MICAL3: variants seen among roughly 807,000 people sequenced by gnomAD.
MICAL3 encodes the protein microtubule associated monooxygenase, calponin and LIM domain containing 3, also known as [F-actin]-monooxygenase MICAL3.
Under a neutral mutation model 207.4 loss-of-function variants are expected in MICAL3, and 62 were observed. That is an observed-to-expected ratio of 0.30 (90% confidence interval 0.24 to 0.37). The LOEUF (loss-of-function observed/expected upper bound fraction) is 0.37. Ranked by LOEUF, MICAL3 falls within the 10% of genes least tolerant of loss-of-function variation. The pLI is 1.00. For synonymous variants in MICAL3, 1,077 were observed against 1,069.3 expected, an observed-to-expected ratio of 1.01 and a Z score of -0.14; for missense variants, 2,368 against 2,635.6, an observed-to-expected ratio of 0.90 and a Z score of 2.22.
intron 1 of MICAL3, among the ~76,000 whole-genome samples, chr22:18,021,582 A>C (rs1924480220): frequency 6.6e-6 from 1 of 152,224 alleles, no homozygotes; most frequent in Non-Finnish European, 1.5e-5. Context: ...AAAAGCAAAG[A>C]CTAAAGGGAA....
rs181588240 is a variant in MICAL3 at position 17,938,345 on chromosome 22, C to T, written c.-74-31459G>A. Reference sequence around the variant, plus strand: ...CCATAGGGGGACCAGAGCAACCAACCGGGAGGGAAGTAGGTTTGAATTCAG... The same window carrying T: ...CCATAGGGGGACCAGAGCAACCAACTGGGAGGGAAGTAGGTTTGAATTCAG... On this transcript the variant is annotated intron_variant, in intron 1 of 31. Transcript: ENST00000441493. 2.7e-3 allele frequency among the ~76,000 whole-genome samples: 417 copies of T among 152,172 alleles called. 2 individuals are homozygous for T. Among genetic ancestry groups the T allele is most frequent in the South Asian group, 7.3e-3 (35 of 4,812 alleles).
At chr22:17,807,454 G>A (rs549282006) in intron 29 of MICAL3, among the ~76,000 whole-genome samples, 1 of 152,280 alleles carries the variant, frequency 6.6e-6, no homozygotes, top group South Asian at 2.1e-4. Flanking sequence ...TCAGCCTATC[G>A]GATGCTAAGT....
chr22:17,906,205 G>A (rs755412973), intron 2 of MICAL3, among the ~76,000 whole-genome samples: 1 of 152,174 alleles, frequency 6.6e-6, no homozygotes, highest in Non-Finnish European at 1.5e-5. Flanking sequence ...AACTTTGAAC[G>A]CTCAATATGT....
At chr22:17,964,468 C>T (rs961090600) in intron 1 of MICAL3, among the ~76,000 whole-genome samples, 2 of 152,210 alleles carry the variant, frequency 1.3e-5, no homozygotes, top group African/African-American at 2.4e-5. Context: ...TCACTATCTG[C>T]GCACACAGCA....
rs758528513 is a variant in MICAL3 at position 17,818,032 on chromosome 22, G to T, written c.4629C>A (p.Phe1543Leu). The T allele has an allele frequency of 4.3e-6, 7 of 1,612,700 alleles. No homozygotes were observed. In the Admixed American group the frequency reaches 8.3e-5, roughly 19 times the overall value. The change falls in exon 26 of 32, where the codon TTC becomes TTA. Residue 1543 changes from phenylalanine (F) to leucine (L), a missense_variant. Phe to Leu is a conservative substitution (Grantham distance 22, BLOSUM62 0). Transcript: ENST00000441493. ...KTEDSSLQEKFFTPPSCWPRP... is the reference protein window; with the variant it reads ...KTEDSSLQEKLFTPPSCWPRP... ...GCGGCCAGCAGGACGGGGGCGTGAA[G>T]AATTTCTCCTGCAGGCTTGAGTCCT...
rs1569109753 is a variant in MICAL3, at chr22:17,877,058, GGTTATGGAGGTTAGGGAA to G, written c.2242-5053_2242-5036del. On this transcript the variant is annotated intron_variant, in intron 16 of 31. Transcript: ENST00000441493. Reference sequence around the variant, plus strand: ...TTAGGGAGGTTATGGAGGTTAGGGAGGTTATGGAGGTTAGGGAAGTTATGGAGGTTATGGAGGTTAGGG... The same window carrying G: ...TTAGGGAGGTTATGGAGGTTAGGGAGGTTATGGAGGTTATGGAGGTTAGGG... Among the ~76,000 whole-genome samples the G allele has an allele frequency of 2.7e-3, 320 of 116,464 alleles. 3 individuals carry two copies. The highest frequency in any genetic ancestry group is 4.3e-3 in the Middle Eastern group (1 of 230). The allele number at this position is 116,464 out of a possible 152,430, so 76.4% of individuals were successfully genotyped here. A position where few individuals can be genotyped will look rare whatever the true frequency, so the allele number is the denominator to read the frequency against.
chr22:17,817,154 C>T (rs1921080509), intron 26 of MICAL3, among the ~76,000 whole-genome samples, 157 bp downstream of exon 26: 1 of 152,202 alleles, frequency 6.6e-6, no homozygotes, highest in Non-Finnish European at 1.5e-5. Context: ...TGGCTATGCC[C>T]TGTGAACCCA....
intron 21 of MICAL3, among the ~76,000 whole-genome samples, chr22:17,829,070 C>T (rs891023662): frequency 1.3e-5 from 2 of 151,912 alleles, no homozygotes; most frequent in Non-Finnish European, 2.9e-5. Flanking sequence ...CCCTGCAAGC[C>T]GTATGTGGAG....
chr22:17,832,561 C>T (rs765794880), intron 20 of MICAL3, among the ~76,000 whole-genome samples: 4 of 152,208 alleles, frequency 2.6e-5, no homozygotes, highest in Non-Finnish European at 4.4e-5. Flanking sequence ...CGCTGGTTTA[C>T]GTTTCATAGA....
chr22:17,848,543 A>T (rs980430323), intron 19 of MICAL3, among the ~76,000 whole-genome samples: 4 of 152,106 alleles, frequency 2.6e-5, no homozygotes, highest in Non-Finnish European at 5.9e-5. Context: ...ATACTGGTTC[A>T]CTCCTATCTT....
In MICAL3 at chr22:17,818,367, C is replaced by T. The variant is rs746151562; in HGVS notation, c.4294G>A (p.Gly1432Arg). 36 of 1,602,162 alleles carry T rather than the reference C, an allele frequency of 2.2e-5. No homozygotes were observed. Among genetic ancestry groups the T allele is most frequent in the South Asian group, 9.9e-5 (9 of 90,700 alleles). ...LSSSSGLGLH[G>R]SSSNMKTLGS... ...AGTGTCTTCATGTTGGAGGAGCTCC[C>T]GTGCAGGCCCAGGCCAGAGCTGCTG... The change falls in exon 26 of 32, where the codon GGG becomes AGG. Residue 1432 changes from glycine to arginine, a missense_variant. By Grantham distance (125) the Gly-to-Arg change is moderately radical. This residue lies in a region of MICAL3 where 1,770 missense variants were observed against 1,863.2 expected (regional missense o/e 0.95). Transcript: ENST00000441493.
In MICAL3 at chr22:17,978,238, A is replaced by G. The variant is rs548270762; in HGVS notation, c.-75+46043T>C. On this transcript the variant is annotated intron_variant, in intron 1 of 31. Coordinates refer to ENST00000441493, the MANE Select transcript of MICAL3 (RefSeq NM_015241.3). Reference sequence around the variant, plus strand: ...AAGGAATGAAATTCTGACACATGCTACAACATGAATGAATCTTGAAAACAC... The same window carrying G: ...AAGGAATGAAATTCTGACACATGCTGCAACATGAATGAATCTTGAAAACAC... Among the ~76,000 whole-genome samples, 39 of 152,360 alleles carry G rather than the reference A, an allele frequency of 2.6e-4. No homozygotes were observed. The East Asian group carries it at 6.6e-3, about 26-fold the overall frequency.
At chr22:17,888,007 G>A (rs1930080182) in intron 13 of MICAL3, among the ~76,000 whole-genome samples, 1 of 152,172 alleles carries the variant, frequency 6.6e-6, no homozygotes, top group African/African-American at 2.4e-5. Flanking sequence ...AAGCACTGGA[G>A]GGTGGTAACA....
intron 1 of MICAL3, among the ~76,000 whole-genome samples, chr22:17,966,365 G>A (rs537191064): frequency 5.9e-5 from 9 of 152,130 alleles, no homozygotes; most frequent in African/African-American, 1.9e-4. Context: ...CCAGAACCCC[G>A]CAGAAGACCT....
At chr22:17,953,649 G>C (rs897095975) in intron 1 of MICAL3, among the ~76,000 whole-genome samples, 2 of 152,086 alleles carry the variant, frequency 1.3e-5, no homozygotes, top group Admixed American at 6.5e-5. Context: ...AAGGAAGACT[G>C]GCCGGGTGTG....
chr22:17,813,235 G>A (rs1425225843), intron 27 of MICAL3: 1 of 152,182 alleles, frequency 6.6e-6, no homozygotes, highest in East Asian at 1.9e-4. Flanking sequence ...CGCTCTGAGG[G>A]TCAAGGTGAG....
intron 1 of MICAL3, among the ~76,000 whole-genome samples, chr22:18,008,997 A>G (rs927079688): frequency 1.3e-5 from 2 of 152,216 alleles, no homozygotes; most frequent in Admixed American, 6.5e-5. Context: ...TCACAATATA[A>G]TGGTTCAAAA....
At chr22:17,845,697 A>T (rs958455844) in intron 19 of MICAL3, among the ~76,000 whole-genome samples, 2 of 152,380 alleles carry the variant, frequency 1.3e-5, no homozygotes, top group Non-Finnish European at 2.9e-5. Flanking sequence ...GAGGAAAGGC[A>T]TCACTCAGGA....
intron 1 of MICAL3, among the ~76,000 whole-genome samples, chr22:18,021,878 C>T (rs1004355409): frequency 2.0e-5 from 3 of 152,086 alleles, no homozygotes; most frequent in Non-Finnish European, 4.4e-5. Context: ...ATGACTGAGC[C>T]GTGCCCAAGA....
Sources: gnomAD v4.1 joint callset for allele counts (sites outside exome capture counted in the v4.1 genomes callset) on GRCh38, gnomAD v4.1.1 for gene constraint, gnomAD v4.1.1 regional missense constraint, MANE v1.5 for transcripts, NCBI Gene and HGNC (gene_info 2026-07-23, HGNC 2026-07-21) for gene names.